APOLD1: variants seen among roughly 807,000 people sequenced by gnomAD.
The protein encoded by APOLD1 is apolipoprotein L domain-containing protein 1.
In APOLD1, 22 loss-of-function variants were observed where a neutral mutation model predicts 15.3. That is an observed-to-expected ratio of 1.44 (90% CI 1.03 to 2.05). The LOEUF is 2.05. APOLD1 is among the 30% of genes most tolerant of loss of function. APOLD1 has a pLI of 0.00. For synonymous variants in APOLD1, 190 were observed against 167.4 expected (o/e 1.13, Z -1.04); for missense variants, 394 against 353.5 (o/e 1.11, Z -0.92).
intron 1 of APOLD1, among the ~76,000 whole-genome samples, chr12:12,740,779 T>C (rs1041688465): frequency 2.6e-5 from 4 of 151,072 alleles, no homozygotes; most frequent in Non-Finnish European, 5.9e-5. Context: ...CAAAACGTAA[T>C]ATTTGGAATC....
At position 12,774,371 on chromosome 12, in the gene APOLD1, C is replaced by T. The variant is rs759272717; in HGVS notation, c.97-12538C>T. Among the ~76,000 whole-genome samples the T allele has an allele frequency of 5.3e-5, 8 of 151,056 alleles. No homozygotes were observed. The South Asian group carries it at 8.4e-4, about 16-fold the overall frequency. On this transcript the variant is annotated intron_variant, in intron 1 of 1. Coordinates refer to the APOLD1 transcript ENST00000326765. ...ACCAGCCTGGCCAACATGGTGAAAC[C>T]CCGTCTCTACCAAAAACTACAAAAA...
chr12:12,784,599 CT>C (rs1565438542), upstream of APOLD1, among the ~76,000 whole-genome samples: 1 of 152,122 alleles, frequency 6.6e-6, no homozygotes, highest in Non-Finnish European at 1.5e-5. Context: ...AATGATACGG[CT>C]GTTAAGGCTT....
chr12:12,782,494 C>T (rs1947089112), upstream of APOLD1, among the ~76,000 whole-genome samples: 1 of 152,184 alleles, frequency 6.6e-6, no homozygotes, highest in African/African-American at 2.4e-5. Context: ...CAAACTAGTA[C>T]AGCTAATGCC....
chr12:12,746,776 G>C (rs369519319), intron 1 of APOLD1, among the ~76,000 whole-genome samples: 6 of 152,188 alleles, frequency 3.9e-5, no homozygotes, highest in Non-Finnish European at 5.9e-5. Flanking sequence ...TAGCTTTTCA[G>C]CCCTTCTCTC....
chr12:12,726,888 CAT>C (rs573062328), intron 1 of APOLD1, among the ~76,000 whole-genome samples: 71 of 152,176 alleles, frequency 4.7e-4, no homozygotes, highest in Admixed American at 2.6e-4. Flanking sequence ...TATAAGAAAA[CAT>C]GTGTTTTAAT....
exon 1 of APOLD1, chr12:12,726,022 C>G (rs1946588221): frequency 2.6e-6 from 4 of 1,525,554 alleles, no homozygotes; most frequent in Non-Finnish European, 3.5e-6. Flanking sequence ...GCCGTGTCAC[C>G]GGCTGCGGGC....
chr12:12,726,264 T>C (rs1215936130), intron 1 of APOLD1: 5 of 729,502 alleles, frequency 6.9e-6, no homozygotes, highest in Admixed American at 2.1e-5. Context: ...TTTTATTGAA[T>C]TAAATTTTAA....
At chr12:12,749,734 A>G (rs1422340748) in intron 1 of APOLD1, among the ~76,000 whole-genome samples, 2 of 152,206 alleles carry the variant, frequency 1.3e-5, no homozygotes, top group East Asian at 3.8e-4. Flanking sequence ...TGGACCCAAC[A>G]GAATTCTGTA....
At chr12:12,769,958 A>G (rs1283411640) in intron 1 of APOLD1, among the ~76,000 whole-genome samples, 1 of 152,220 alleles carries the variant, frequency 6.6e-6, no homozygotes, top group Non-Finnish European at 1.5e-5. Flanking sequence ...ATGCCTGGCT[A>G]TCAAGAAAAA....
intron 1 of APOLD1, among the ~76,000 whole-genome samples, chr12:12,760,466 C>T (rs1268157688): frequency 1.3e-5 from 2 of 151,986 alleles, no homozygotes; most frequent in East Asian, 3.9e-4. Context: ...GTCAAAACCC[C>T]GTCTTTACTA....
intron 1 of APOLD1, among the ~76,000 whole-genome samples, chr12:12,766,640 G>A (rs1330980661): frequency 1.3e-5 from 2 of 152,160 alleles, no homozygotes; most frequent in Non-Finnish European, 2.9e-5. Context: ...CCTAAGGTCA[G>A]GAGTTTGAGA....
intron 1 of APOLD1, among the ~76,000 whole-genome samples, chr12:12,733,311 C>T (rs1250170286): frequency 4.0e-5 from 6 of 150,810 alleles, no homozygotes; most frequent in African/African-American, 1.5e-4. Flanking sequence ...GGTGGCAGAA[C>T]AAGACTGTCT....
At chr12:12,771,434 TC>T in intron 1 of APOLD1, 1 of 438,110 alleles carries the variant, frequency 2.3e-6, no homozygotes, top group South Asian at 1.8e-5. Context: ...AGGTTGACTT[TC>T]TGTCCACCAT....
intron 1 of APOLD1, among the ~76,000 whole-genome samples, chr12:12,751,297 A>G (rs1469266189): frequency 2.0e-5 from 3 of 152,134 alleles, no homozygotes; most frequent in Non-Finnish European, 4.4e-5. Flanking sequence ...CATAGGCTGA[A>G]TGGTTAAACC....
upstream of APOLD1, among the ~76,000 whole-genome samples, chr12:12,785,445 C>T (rs1329034566): frequency 3.3e-5 from 5 of 152,166 alleles, no homozygotes; most frequent in Non-Finnish European, 7.3e-5. Context: ...TGGTTCTCTT[C>T]CTGCGTTCAG....
At chr12:12,758,840 G>C (rs1189026781) in intron 1 of APOLD1, among the ~76,000 whole-genome samples, 1 of 152,116 alleles carries the variant, frequency 6.6e-6, no homozygotes, top group Non-Finnish European at 1.5e-5. Flanking sequence ...TCCTTATTGA[G>C]AACCTTCACC....
intron 1 of APOLD1, among the ~76,000 whole-genome samples, chr12:12,736,184 T>C (rs1435649096): frequency 6.6e-6 from 1 of 151,932 alleles, no homozygotes; most frequent in African/African-American, 2.4e-5. Flanking sequence ...ACCCCGTCTC[T>C]ACTAAAAATA....
intron 1 of APOLD1, among the ~76,000 whole-genome samples, chr12:12,768,444 G>A (rs1946957824): frequency 6.6e-6 from 1 of 151,934 alleles, no homozygotes; most frequent in Admixed American, 6.6e-5. Flanking sequence ...ACCAGACTGG[G>A]AAACCTAGGG....
chr12:12,754,518 C>T (rs1475053914), intron 1 of APOLD1, among the ~76,000 whole-genome samples: 7 of 151,926 alleles, frequency 4.6e-5, no homozygotes, highest in East Asian at 4.0e-4. Context: ...GGCACAATCT[C>T]GGCTCACTGC....
Sources: allele counts gnomAD v4.1 joint callset (sites outside exome capture counted in the v4.1 genomes callset), GRCh38; gene constraint gnomAD v4.1.1; transcripts MANE v1.5; gene names NCBI Gene and HGNC (gene_info 2026-07-23, HGNC 2026-07-21).